Variants in ZFPM2 observed in about 807,000 individuals in gnomAD.
ZFPM2 encodes zinc finger protein, FOG family member 2.
Under a neutral mutation model 98.6 loss-of-function variants are expected in ZFPM2, and 20 were observed. That is an observed-to-expected ratio of 0.20 (90% CI 0.14 to 0.29). The LOEUF (loss-of-function observed/expected upper bound fraction) is 0.29, where lower values mean the gene tolerates loss of function less well. ZFPM2 is among the 10% of genes least tolerant of loss of function. The pLI is 1.00. For synonymous variants in ZFPM2, 518 were observed against 502.7 expected (o/e 1.03, Z -0.41); for missense variants, 1,310 against 1,388.6 (o/e 0.94, Z 0.90).
At chr8:105,669,885 A>G (rs1382735286) in intron 5 of ZFPM2, 1 of 152,104 alleles carries the variant, frequency 6.6e-6, no homozygotes, top group Non-Finnish European at 1.5e-5. Flanking sequence ...ATAGTGAAAA[A>G]TGACTTTACA....
intron 3 of ZFPM2, among the ~76,000 whole-genome samples, chr8:105,471,820 C>G (rs1463637546): frequency 6.6e-6 from 1 of 152,110 alleles, no homozygotes; most frequent in Non-Finnish European, 1.5e-5. Flanking sequence ...ATAACTCTAT[C>G]AGAACACTAT....
intron 5 of ZFPM2, among the ~76,000 whole-genome samples, chr8:105,670,495 C>CAAAAA (rs1160128174): frequency 1.2e-4 from 6 of 49,254 alleles, no homozygotes; most frequent in Admixed American, 2.5e-4. Context: ...GAGTCCATCT[C>CAAAAA]AAAAAAAAAA....
intron 3 of ZFPM2, among the ~76,000 whole-genome samples, chr8:105,505,683 ATAT>A (rs1394728544): frequency 6.6e-6 from 1 of 152,146 alleles, no homozygotes. Context: ...TACATTTCAA[ATAT>A]TATTACTACT....
intron 3 of ZFPM2, among the ~76,000 whole-genome samples, chr8:105,453,645 T>A (rs1586383986): frequency 6.6e-6 from 1 of 152,214 alleles, no homozygotes; most frequent in East Asian, 1.9e-4. Context: ...TGTTTTGTTT[T>A]GTTTTTTTCT....
chr8:105,602,296 GA>G (rs997973491), intron 4 of ZFPM2, among the ~76,000 whole-genome samples: 5 of 151,634 alleles, frequency 3.3e-5, no homozygotes, highest in Non-Finnish European at 5.9e-5. Flanking sequence ...AAAGCCTCAT[GA>G]AAAAAAAGGA....
chr8:105,340,403 C>T (rs1376337923), intron 1 of ZFPM2, among the ~76,000 whole-genome samples: 1 of 151,880 alleles, frequency 6.6e-6, no homozygotes, highest in African/African-American at 2.4e-5. Context: ...ATCACACAAT[C>T]AGATTACATT....
chr8:105,363,159 A>G (rs1457726129), intron 1 of ZFPM2, among the ~76,000 whole-genome samples: 1 of 152,106 alleles, frequency 6.6e-6, no homozygotes, highest in Non-Finnish European at 1.5e-5. Flanking sequence ...AATTCTTAGT[A>G]CCTCTTTCAA....
At chr8:105,616,125 G>A (rs1361654196) in intron 4 of ZFPM2, among the ~76,000 whole-genome samples, 5 of 151,778 alleles carry the variant, frequency 3.3e-5, no homozygotes, top group African/African-American at 1.2e-4. Context: ...GTCCAAGGAA[G>A]GGAAGTAGCA....
chr8:105,614,476 C>A (rs1816372588), intron 4 of ZFPM2, among the ~76,000 whole-genome samples: 1 of 152,078 alleles, frequency 6.6e-6, no homozygotes, highest in Non-Finnish European at 1.5e-5. Flanking sequence ...CTGAGAAATT[C>A]TGATGCTTTT....
intron 3 of ZFPM2, among the ~76,000 whole-genome samples, chr8:105,458,742 A>T (rs1423381944): frequency 3.9e-5 from 6 of 152,146 alleles, no homozygotes; most frequent in Admixed American, 3.3e-4. Context: ...AAGCAAGCCA[A>T]AAGAAAAGAA....
chr8:105,721,487 A>G (rs1811663037), intron 5 of ZFPM2, among the ~76,000 whole-genome samples: 1 of 151,964 alleles, frequency 6.6e-6, no homozygotes, highest in African/African-American at 2.4e-5. Flanking sequence ...TGTAATGACA[A>G]CAGATTATAT....
chr8:105,347,067 A>T (rs1481558430), intron 1 of ZFPM2, among the ~76,000 whole-genome samples: 1 of 152,190 alleles, frequency 6.6e-6, no homozygotes, highest in Admixed American at 6.6e-5. Context: ...TTTGGCCTTT[A>T]GTTCTCTTAT....
At chr8:105,791,926 C>T (rs1217672822) in intron 6 of ZFPM2, among the ~76,000 whole-genome samples, 1 of 152,130 alleles carries the variant, frequency 6.6e-6, no homozygotes, top group Non-Finnish European at 1.5e-5. Context: ...TCTGTGGGAT[C>T]GCTGGTGATA....
At chr8:105,649,895 T>G (rs745939583) in intron 5 of ZFPM2, among the ~76,000 whole-genome samples, 1 of 152,244 alleles carries the variant, frequency 6.6e-6, no homozygotes, top group Admixed American at 6.5e-5. Context: ...GCTGGCCTCA[T>G]AGACTGAGTT....
At chr8:105,348,483 G>C (rs574630225) in intron 1 of ZFPM2, among the ~76,000 whole-genome samples, 14 of 152,234 alleles carry the variant, frequency 9.2e-5, no homozygotes, top group African/African-American at 3.1e-4. Flanking sequence ...TAAAATCAAA[G>C]TGAAAGCCTA....
intron 5 of ZFPM2, among the ~76,000 whole-genome samples, chr8:105,724,420 G>A (rs1586221486): frequency 6.6e-6 from 1 of 151,774 alleles, no homozygotes; most frequent in Non-Finnish European, 1.5e-5. Context: ...CACTAGTGAT[G>A]CTTTTTATGG....
At chr8:105,566,494 C>G (rs965337081) in intron 4 of ZFPM2, among the ~76,000 whole-genome samples, 3 of 152,150 alleles carry the variant, frequency 2.0e-5, no homozygotes, top group African/African-American at 7.2e-5. Context: ...TTTAGAACAT[C>G]TATGTTTATA....
intron 1 of ZFPM2, among the ~76,000 whole-genome samples, chr8:105,380,203 T>C (rs550071121): frequency 2.0e-4 from 30 of 152,254 alleles, no homozygotes; most frequent in African/African-American, 6.7e-4. Context: ...GAAATACTTA[T>C]AGAAATATTT....
At chr8:105,642,924 A>G (rs1304026851) in intron 5 of ZFPM2, among the ~76,000 whole-genome samples, 2 of 152,190 alleles carry the variant, frequency 1.3e-5, no homozygotes, top group East Asian at 1.9e-4. Context: ...AATGCATACA[A>G]TGTGTTCATG....
Sources: allele counts gnomAD v4.1 joint callset (sites outside exome capture counted in the v4.1 genomes callset), GRCh38; gene constraint gnomAD v4.1.1; transcripts MANE v1.5; gene names NCBI Gene and HGNC (gene_info 2026-07-23, HGNC 2026-07-21).